The following ETFA variants were observed in gnomAD, a reference collection of about 807,000 sequenced individuals.
The protein encoded by ETFA is electron transfer flavoprotein subunit alpha, also known as electron transfer flavoprotein subunit alpha, mitochondrial.
A neutral mutation model predicts 46.2 loss-of-function variants in ETFA; 22 were observed. The ratio of observed to expected loss-of-function variants is 0.48; its 90% CI spans 0.34 to 0.68. The LOEUF (loss-of-function observed/expected upper bound fraction) is 0.68, where lower values mean the gene tolerates loss of function less well. Ranked by LOEUF, ETFA falls within the 30% of genes least tolerant of loss-of-function variation. The probability of loss-of-function intolerance (pLI) is 0.01; values close to 1 mark genes in which losing one functional copy is unlikely to be tolerated. For synonymous variants in ETFA, 131 were observed against 139.9 expected, an observed-to-expected ratio of 0.94 and a Z score of 0.45; for missense variants, 345 against 401.1, an observed-to-expected ratio of 0.86 and a Z score of 1.19.
At chr15:76,237,064 T>TG (rs2039131949) in intron 9 of ETFA, among the ~76,000 whole-genome samples, 1 of 152,180 alleles carries the variant, frequency 6.6e-6, no homozygotes, top group Non-Finnish European at 1.5e-5. Context: ...AAAGACTGAT[T>TG]GATTTTGAGA....
At chr15:76,237,538 T>C (rs2039138536) in intron 9 of ETFA, among the ~76,000 whole-genome samples, 1 of 152,200 alleles carries the variant, frequency 6.6e-6, no homozygotes, top group Non-Finnish European at 1.5e-5. Flanking sequence ...CACTTACCAA[T>C]CTGCATTCTT....
intron 5 of ETFA, among the ~76,000 whole-genome samples, 166 bp from the exon 6 acceptor site, chr15:76,286,647 A>G (rs1291345480): frequency 2.6e-5 from 4 of 152,226 alleles, no homozygotes; most frequent in Admixed American, 6.5e-5. Context: ...CGGTGAAGAA[A>G]CATATCAGCA....
chr15:76,249,382 C>A (rs957435762), intron 9 of ETFA, among the ~76,000 whole-genome samples: 1 of 151,428 alleles, frequency 6.6e-6, no homozygotes, highest in African/African-American at 2.4e-5. Context: ...TGCACCTCGG[C>A]CTCCCAAAGT....
intron 9 of ETFA, among the ~76,000 whole-genome samples, chr15:76,272,805 A>T (rs1828200545): frequency 1.3e-5 from 1 of 78,560 alleles, no homozygotes; most frequent in African/African-American, 4.6e-5. Flanking sequence ...TGTCTCTTAA[A>T]ATATATACAT....
At chr15:76,230,534 C>T (rs1166521350) in intron 10 of ETFA, 1 of 39,624 alleles carries the variant, frequency 2.5e-5, no homozygotes, top group African/African-American at 8.4e-5. Flanking sequence ...CTGCAAGCTC[C>T]GCCTCCCGGT....
rs906342148 is a variant in ETFA at position 76,215,559 on chromosome 15, C to T, written c.*1000G>A. On this transcript the variant is annotated 3_prime_UTR_variant, in exon 12 of 12. Transcript: ENST00000557943. ...AGATCTGATTCAGGAGGGCAGCCCT[C>T]TTTGTTCTACTCACCTACCTACCCA... The T allele has an allele frequency of 1.6e-4, 24 of 152,202 alleles. No homozygotes were observed. The highest frequency in any genetic ancestry group is 8.5e-4 in the Admixed American group (13 of 15,268). 9.4% of individuals were successfully genotyped at this position (152,202 alleles called of 1,614,324 possible).
At chr15:76,282,204 T>C (rs1284106214) in intron 8 of ETFA, among the ~76,000 whole-genome samples, 1 of 152,158 alleles carries the variant, frequency 6.6e-6, no homozygotes, top group Non-Finnish European at 1.5e-5. Flanking sequence ...ACGCCTGCCA[T>C]GTATCCTTAT....
chr15:76,232,568 C>G (rs1307483882), intron 9 of ETFA, among the ~76,000 whole-genome samples: 1 of 152,132 alleles, frequency 6.6e-6, no homozygotes, highest in Non-Finnish European at 1.5e-5. Context: ...CAAGGTGGTC[C>G]CACCTTGTTT....
intron 8 of ETFA, among the ~76,000 whole-genome samples, chr15:76,279,968 A>G (rs151088409): frequency 2.1e-3 from 314 of 151,596 alleles, no homozygotes; most frequent in African/African-American, 7.0e-3. Context: ...GCACAATCAT[A>G]ACACAATACA....
At chr15:76,252,876 T>TACACACACACACACACACACAC (rs34804508) in intron 9 of ETFA, among the ~76,000 whole-genome samples, 67 of 147,566 alleles carry the variant, frequency 4.5e-4, no homozygotes, top group African/African-American at 1.6e-3. Flanking sequence ...TGTATGTGTA[T>TACACACACACACACACACACAC]ACACACACAC....
At chr15:76,292,740 G>T in intron 2 of ETFA, 40 bp from the exon 3 acceptor site, 2 of 1,340,604 alleles carry the variant, frequency 1.5e-6, no homozygotes, top group South Asian at 1.2e-5. Flanking sequence ...CCATCTATCA[G>T]AAATATACAA....
intron 9 of ETFA, among the ~76,000 whole-genome samples, chr15:76,241,801 C>CAAAAAAAA (rs1165964434): frequency 3.3e-5 from 1 of 30,572 alleles, no homozygotes; most frequent in African/African-American, 1.7e-4. Context: ...GACTCCATCT[C>CAAAAAAAA]AAAAAAAAAA....
At chr15:76,264,243 A>G (rs780284549) in intron 9 of ETFA, among the ~76,000 whole-genome samples, 97 of 152,282 alleles carry the variant, frequency 6.4e-4, no homozygotes, top group Non-Finnish European at 1.3e-3. Flanking sequence ...ATACTTTAAC[A>G]AAATCTGTTC....
At chr15:76,283,648 A>G in intron 8 of ETFA, 109 bp downstream of exon 8, 1 of 837,612 alleles carries the variant, frequency 1.2e-6, no homozygotes, top group Non-Finnish European at 1.9e-6. Context: ...AAAATCCGGA[A>G]AAGTAAAATA....
chr15:76,285,672 G>GGTC lies in ETFA; in HGVS notation c.626_628dup (p.Arg209dup). On this transcript the variant is annotated inframe_insertion, in exon 7 of 12. Transcript: ENST00000557943. Reference sequence around the variant, plus strand: ...CACCACTTTGGCACCTGTTAGCTCTGGTCGATCACTTTTTGTTAATTTCTG... The same window carrying GGTC: ...CACCACTTTGGCACCTGTTAGCTCTGGTCGTCGATCACTTTTTGTTAATTTCTG... The GGTC allele has an allele frequency of 6.2e-7, 1 of 1,611,866 alleles. No homozygotes were observed. The highest frequency in any genetic ancestry group is 8.5e-7 in the Non-Finnish European group (1 of 1,178,128).
intron 9 of ETFA, among the ~76,000 whole-genome samples, chr15:76,254,482 G>A (rs187151342): frequency 1.1e-3 from 172 of 152,208 alleles, no homozygotes; most frequent in African/African-American, 3.7e-3. Flanking sequence ...TCTCTACAAC[G>A]TATTCAGTGT....
At chr15:76,258,468 T>C (rs570546872) in intron 9 of ETFA, among the ~76,000 whole-genome samples, 1 of 152,256 alleles carries the variant, frequency 6.6e-6, no homozygotes, top group South Asian at 2.1e-4. Context: ...AGACCTGAGA[T>C]ACCCACCCCT....
intron 9 of ETFA, among the ~76,000 whole-genome samples, chr15:76,253,915 T>C (rs2039325772): frequency 6.6e-6 from 1 of 152,240 alleles, no homozygotes; most frequent in Non-Finnish European, 1.5e-5. Flanking sequence ...CCTAAGGGAA[T>C]AGCTTGTATC....
chr15:76,227,887 A>G (rs2142109838), intron 10 of ETFA: 1 of 456,120 alleles, frequency 2.2e-6, no homozygotes, highest in African/African-American at 2.0e-5. Context: ...AACATGGTAT[A>G]GTCCAGGTAA....
Sources: allele counts gnomAD v4.1 joint callset (sites outside exome capture counted in the v4.1 genomes callset), GRCh38; gene constraint gnomAD v4.1.1; transcripts MANE v1.5; gene names NCBI Gene and HGNC (gene_info 2026-07-23, HGNC 2026-07-21).